Variants in MACROD2 observed in about 807,000 individuals in gnomAD.
The protein encoded by MACROD2 is mono-ADP ribosylhydrolase 2.
MACROD2 carries 36 observed loss-of-function variants against 70.4 expected under a neutral mutation model. That is an observed-to-expected ratio of 0.51 (90% CI 0.39 to 0.68). The LOEUF (loss-of-function observed/expected upper bound fraction) is 0.68. Ranked by LOEUF, MACROD2 falls within the 30% of genes least tolerant of loss-of-function variation. MACROD2 has a pLI of 0.00. For missense variants in MACROD2, 496 were observed against 538.4 expected, an observed-to-expected ratio of 0.92 and a Z score of 0.78; for synonymous variants, 172 against 178.8, an observed-to-expected ratio of 0.96 and a Z score of 0.30.
intron 6 of MACROD2, among the ~76,000 whole-genome samples, chr20:15,416,820 G>A (rs917852433): frequency 2.0e-5 from 3 of 151,878 alleles, no homozygotes; most frequent in Non-Finnish European, 4.4e-5. Flanking sequence ...GGAGAATGGC[G>A]TGAACCCGGG....
At chr20:15,326,249 T>C (rs7267646) in intron 6 of MACROD2, among the ~76,000 whole-genome samples, 27 of 152,260 alleles carry the variant, frequency 1.8e-4, no homozygotes, top group African/African-American at 6.3e-4. Flanking sequence ...TAGTCTCATA[T>C]AACAATATTG....
At chr20:14,901,280 A>T (rs1304549116) in intron 5 of MACROD2, among the ~76,000 whole-genome samples, 2 of 152,116 alleles carry the variant, frequency 1.3e-5, no homozygotes, top group Non-Finnish European at 2.9e-5. Context: ...TTTACAAATT[A>T]AAAGCTATAG....
intron 5 of MACROD2, among the ~76,000 whole-genome samples, chr20:14,981,637 T>G (rs995053254): frequency 6.6e-6 from 1 of 152,024 alleles, no homozygotes; most frequent in South Asian, 2.1e-4. Context: ...CGAGATCTGG[T>G]GGCTTTAAAA....
chr20:14,780,243 A>G (rs1046483317), intron 5 of MACROD2, among the ~76,000 whole-genome samples: 2 of 151,900 alleles, frequency 1.3e-5, no homozygotes, highest in African/African-American at 2.4e-5. Context: ...TATAATCAGA[A>G]CTATCTGACA....
chr20:15,198,237 G>A (rs953051121), intron 5 of MACROD2, among the ~76,000 whole-genome samples: 1 of 152,078 alleles, frequency 6.6e-6, no homozygotes, highest in African/African-American at 2.4e-5. Flanking sequence ...TGAATTACAG[G>A]CATGAGCCAA....
intron 8 of MACROD2, among the ~76,000 whole-genome samples, chr20:15,760,680 C>T (rs762380968): frequency 6.6e-6 from 1 of 152,154 alleles, no homozygotes; most frequent in Non-Finnish European, 1.5e-5. Flanking sequence ...GCTTTTACTT[C>T]AAGCATGCAC....
chr20:14,086,100 G>T, intron 3 of MACROD2: 2 of 244,058 alleles, frequency 8.2e-6, no homozygotes, highest in Non-Finnish European at 1.7e-5. Context: ...TTCTTCTTTT[G>T]AATAGGTTGT....
chr20:15,605,451 AGC>A (rs1442096248), intron 8 of MACROD2, among the ~76,000 whole-genome samples: 1 of 108,484 alleles, frequency 9.2e-6, no homozygotes, highest in Non-Finnish European at 1.9e-5. Flanking sequence ...ACAGGATGTA[AGC>A]GTGTGTGTGT....
chr20:14,014,461 G>A (rs954296518), intron 2 of MACROD2, among the ~76,000 whole-genome samples: 27 of 152,236 alleles, frequency 1.8e-4, no homozygotes, highest in Non-Finnish European at 1.5e-4. Context: ...GAGGATTGCC[G>A]ATGAAATAAG....
At chr20:15,135,825 C>T (rs1298496514) in intron 5 of MACROD2, among the ~76,000 whole-genome samples, 3 of 147,824 alleles carry the variant, frequency 2.0e-5, no homozygotes. Context: ...CCCATTGTCT[C>T]AGCCCAAAAT....
intron 8 of MACROD2, among the ~76,000 whole-genome samples, chr20:15,583,575 T>C (rs924563702): frequency 6.6e-6 from 1 of 152,214 alleles, no homozygotes; most frequent in Non-Finnish European, 1.5e-5. Context: ...GCCACATTCC[T>C]GAGAACCCTA....
intron 4 of MACROD2, among the ~76,000 whole-genome samples, chr20:14,521,238 A>G (rs2085166438): frequency 6.6e-6 from 1 of 152,182 alleles, no homozygotes; most frequent in African/African-American, 2.4e-5. Flanking sequence ...CAGCAGAGCA[A>G]AAGCCTCTGT....
At chr20:14,343,189 A>G (rs2083032369) in intron 3 of MACROD2, among the ~76,000 whole-genome samples, 1 of 150,990 alleles carries the variant, frequency 6.6e-6, no homozygotes, top group Admixed American at 6.6e-5. Context: ...TGTGTCCTTG[A>G]CCCCTTGCCA....
intron 8 of MACROD2, among the ~76,000 whole-genome samples, chr20:15,794,322 C>T (rs1169418052): frequency 1.3e-5 from 2 of 151,954 alleles, no homozygotes; most frequent in South Asian, 4.2e-4. Context: ...ATTTATTCAG[C>T]GTTCATTATA....
chr20:15,442,097 C>T (rs1474571226), intron 7 of MACROD2, among the ~76,000 whole-genome samples: 1 of 152,070 alleles, frequency 6.6e-6, no homozygotes, highest in Admixed American at 6.6e-5. Flanking sequence ...TTCCTTGCTC[C>T]TTGTACATAC....
chr20:14,976,305 G>C (rs1208386871), intron 5 of MACROD2, among the ~76,000 whole-genome samples: 1 of 152,166 alleles, frequency 6.6e-6, no homozygotes. Context: ...TGAAGTCTCT[G>C]AGGGAACATT....
rs569970938 is a variant in MACROD2 at position 14,358,449 on chromosome 20, CTTTTTTA to C, written c.272-135017_272-135011del. Among the ~76,000 whole-genome samples, 14 of 152,086 alleles carry C rather than the reference CTTTTTTA, an allele frequency of 9.2e-5. No homozygotes were observed. The East Asian group carries it at 2.7e-3, about 29-fold the overall frequency. On this transcript the variant is annotated intron_variant, in intron 3 of 17. Transcript: ENST00000684519. ...GGAGGTAGTTAGTACCATTGTCCTG[CTTTTTTA>C]TTTTTTATTTTTATTTTTTGAGATG... is the stretch of plus-strand genomic sequence containing the variant.
chr20:15,730,247 A>G (rs191176277), intron 8 of MACROD2, among the ~76,000 whole-genome samples: 4 of 152,288 alleles, frequency 2.6e-5, no homozygotes, highest in Admixed American at 2.0e-4. Flanking sequence ...TCATGTTGTT[A>G]GCTGGTTATT....
intron 6 of MACROD2, among the ~76,000 whole-genome samples, chr20:15,426,537 G>A (rs1345464365): frequency 6.6e-6 from 1 of 151,968 alleles, no homozygotes; most frequent in Non-Finnish European, 1.5e-5. Context: ...GTAGAGGCAG[G>A]GTTTCACCAT....
Sources: allele counts gnomAD v4.1 joint callset (sites outside exome capture counted in the v4.1 genomes callset), GRCh38; gene constraint gnomAD v4.1.1; transcripts MANE v1.5; gene names NCBI Gene and HGNC (gene_info 2026-07-23, HGNC 2026-07-21).